The following MAP4K3 variants were observed in gnomAD, a reference collection of about 807,000 sequenced individuals.
MAP4K3 encodes MAPK/ERK kinase kinase kinase 3.
A neutral mutation model predicts 143.5 loss-of-function variants in MAP4K3; 94 were observed. The observed-to-expected ratio is 0.65, with a 90% CI of 0.55 to 0.78. The LOEUF (loss-of-function observed/expected upper bound fraction) is 0.78. Among genes scored for constraint, MAP4K3 ranks in the 30% least tolerant of loss-of-function variants. The probability of loss-of-function intolerance (pLI) is 0.00; values close to 1 mark genes in which losing one functional copy is unlikely to be tolerated. For synonymous variants in MAP4K3, 416 were observed against 347.2 expected, an observed-to-expected ratio of 1.20 and a Z score of -2.20; for missense variants, 1,077 against 1,068.1, an observed-to-expected ratio of 1.01 and a Z score of -0.12.
intron 1 of MAP4K3, among the ~76,000 whole-genome samples, chr2:39,413,171 T>TA (rs1028128521): frequency 2.0e-5 from 3 of 152,190 alleles, no homozygotes; most frequent in African/African-American, 7.2e-5. Flanking sequence ...CAGTAAAAGT[T>TA]AGAGAGTCAG....
intron 8 of MAP4K3, among the ~76,000 whole-genome samples, chr2:39,329,791 T>C (rs181526031): frequency 4.8e-4 from 73 of 152,328 alleles, no homozygotes; most frequent in Non-Finnish European, 9.1e-4. Context: ...CTCTGCTTCC[T>C]TCACTTGACC....
intron 16 of MAP4K3, among the ~76,000 whole-genome samples, chr2:39,298,401 A>T (rs1682370469): frequency 6.6e-6 from 1 of 152,172 alleles, no homozygotes; most frequent in Non-Finnish European, 1.5e-5. Context: ...TAAAACTCTG[A>T]TAGTATTTAA....
chr2:39,280,555 C>T (rs1253608813), intron 22 of MAP4K3, among the ~76,000 whole-genome samples, 199 bp from the exon 23 acceptor site: 3 of 151,624 alleles, frequency 2.0e-5, no homozygotes, highest in Admixed American at 2.0e-4. Flanking sequence ...TTTCCAGGTG[C>T]CACAATAATT....
intron 24 of MAP4K3, among the ~76,000 whole-genome samples, chr2:39,276,887 T>A (rs1401999943): frequency 1.3e-5 from 2 of 152,216 alleles, no homozygotes; most frequent in African/African-American, 4.8e-5. Flanking sequence ...TTACGGAGGT[T>A]CTTTTGGAGA....
At chr2:39,391,919 A>C (rs1000141056) in intron 1 of MAP4K3, among the ~76,000 whole-genome samples, 1 of 152,128 alleles carries the variant, frequency 6.6e-6, no homozygotes, top group Non-Finnish European at 1.5e-5. Flanking sequence ...GCGGTGGCTC[A>C]CATCTGTAAT....
In MAP4K3 at chr2:39,406,838, G is replaced by A. The variant is rs1272517894; in HGVS notation, c.97-28715C>T. On this transcript the variant is annotated intron_variant, in intron 1 of 33. Transcript: ENST00000263881. ...CAGAAAAACAGAATATTACAACACTGTAATTGCGGTATGTAAACTACTCTT... is the reference window on the plus strand; with the variant it reads ...CAGAAAAACAGAATATTACAACACTATAATTGCGGTATGTAAACTACTCTT... Among the ~76,000 whole-genome samples the A allele has an allele frequency of 3.9e-5, 6 of 152,116 alleles. No individual in the cohort carries two copies. The East Asian group carries it at 9.6e-4, about 24-fold the overall frequency.
chr2:39,421,804 C>A (rs1162809539), intron 1 of MAP4K3, among the ~76,000 whole-genome samples: 5 of 152,056 alleles, frequency 3.3e-5, no homozygotes, highest in African/African-American at 1.2e-4. Context: ...CCTACCAGGA[C>A]TTCATTCTTC....
chr2:39,352,534 C>T (rs1665490149), intron 3 of MAP4K3, among the ~76,000 whole-genome samples: 1 of 152,084 alleles, frequency 6.6e-6, no homozygotes, highest in Non-Finnish European at 1.5e-5. Context: ...TATAAATACA[C>T]AAACATATAT....
chr2:39,273,533 A>G (rs547974614), intron 24 of MAP4K3, among the ~76,000 whole-genome samples: 1 of 71,822 alleles, frequency 1.4e-5, no homozygotes, highest in East Asian at 5.1e-4. Context: ...AATAGAGAGG[A>G]CCCAGGGGTG....
intron 22 of MAP4K3, among the ~76,000 whole-genome samples, chr2:39,280,891 A>T (rs1486491389): frequency 6.6e-6 from 1 of 152,160 alleles, no homozygotes; most frequent in Non-Finnish European, 1.5e-5. Context: ...AAGCAATCTG[A>T]TTATTTCCCT....
At chr2:39,384,617 G>A (rs543929908) in intron 1 of MAP4K3, among the ~76,000 whole-genome samples, 293 of 152,314 alleles carry the variant, frequency 1.9e-3, no homozygotes, top group African/African-American at 6.8e-3. Flanking sequence ...TGATGGAAAT[G>A]ATCTGTATCT....
intron 1 of MAP4K3, among the ~76,000 whole-genome samples, chr2:39,378,878 C>A (rs1396732736): frequency 6.6e-6 from 1 of 151,162 alleles, no homozygotes; most frequent in Non-Finnish European, 1.5e-5. Context: ...TTTATGTGTA[C>A]ATATAACAAT....
intron 1 of MAP4K3, among the ~76,000 whole-genome samples, chr2:39,429,188 G>C (rs527520599): frequency 6.6e-6 from 1 of 151,938 alleles, no homozygotes; most frequent in East Asian, 1.9e-4. Context: ...TGAAAATATG[G>C]CTCACATTAT....
intron 7 of MAP4K3, among the ~76,000 whole-genome samples, chr2:39,332,989 GTTC>G (rs1245676184): frequency 1.3e-5 from 2 of 151,820 alleles, no homozygotes; most frequent in Non-Finnish European, 2.9e-5. Flanking sequence ...ACGAACACTT[GTTC>G]TTAAACTTGC....
intron 15 of MAP4K3, among the ~76,000 whole-genome samples, chr2:39,301,403 T>C (rs1682504598): frequency 6.6e-6 from 1 of 152,226 alleles, no homozygotes; most frequent in Non-Finnish European, 1.5e-5. Context: ...TAAGTGGTCA[T>C]GACTTTACCA....
At chr2:39,323,307 G>A (rs1006885686) in intron 12 of MAP4K3, 6 of 152,176 alleles carry the variant, frequency 3.9e-5, no homozygotes, top group Non-Finnish European at 8.8e-5. Flanking sequence ...GAAAGTTTTA[G>A]AAGAATCTTC....
chr2:39,432,624 G>A (rs1262224979), intron 1 of MAP4K3, among the ~76,000 whole-genome samples: 1 of 152,188 alleles, frequency 6.6e-6, no homozygotes, highest in East Asian at 1.9e-4. Flanking sequence ...TAAGAATTGA[G>A]TTTTCCAGAA....
At chr2:39,435,059 C>T (rs1006096232) in intron 1 of MAP4K3, among the ~76,000 whole-genome samples, 3 of 152,152 alleles carry the variant, frequency 2.0e-5, no homozygotes, top group Non-Finnish European at 2.9e-5. Flanking sequence ...CCACCTAAAA[C>T]GTATACATTC....
intron 12 of MAP4K3, among the ~76,000 whole-genome samples, chr2:39,321,455 G>C (rs62380908): frequency 3.6e-4 from 55 of 152,120 alleles, no homozygotes; most frequent in African/African-American, 1.2e-3. Context: ...CAAACACTAC[G>C]GAAGGCCGCA....
Sources: allele counts gnomAD v4.1 joint callset (sites outside exome capture counted in the v4.1 genomes callset), GRCh38; gene constraint gnomAD v4.1.1; transcripts MANE v1.5; gene names NCBI Gene and HGNC (gene_info 2026-07-23, HGNC 2026-07-21).